The following DRAXIN variants were observed in gnomAD, a reference collection of about 807,000 sequenced individuals.
The protein encoded by DRAXIN is dorsal inhibitory axon guidance protein, also known as dorsal repulsive axon guidance protein.
A neutral mutation model predicts 33.9 loss-of-function variants in DRAXIN; 27 were observed. That is an observed-to-expected ratio of 0.80 (90% CI 0.59 to 1.10). The LOEUF is 1.10. Among genes scored for constraint, DRAXIN ranks in the 50% least tolerant of loss-of-function variants. DRAXIN has a pLI of 0.00. For synonymous variants in DRAXIN, 178 were observed against 194.0 expected, an observed-to-expected ratio of 0.92 and a Z score of 0.69; for missense variants, 371 against 460.8, an observed-to-expected ratio of 0.81 and a Z score of 1.78.
intron 6 of DRAXIN, 43 bp from the exon 7 acceptor site, chr1:11,719,541 G>A (rs373587400): frequency 3.7e-5 from 56 of 1,533,320 alleles, no homozygotes; most frequent in African/African-American, 1.8e-4. Flanking sequence ...GGGAGGGCAC[G>A]GGCCCTTCGC....
rs1170757233 is a variant in DRAXIN at position 11,719,763 on chromosome 1, G to C, written c.*67G>C. 2 of 1,365,908 alleles carry C rather than the reference G, an allele frequency of 1.5e-6. No individual in the cohort carries two copies. Among genetic ancestry groups the C allele is most frequent in the Admixed American group, 3.7e-5 (2 of 53,650 alleles). The allele number at this position is 1,365,908 out of a possible 1,614,324, so 84.6% of individuals were successfully genotyped here. A position where few individuals can be genotyped will look rare whatever the true frequency, so the allele number is the denominator to read the frequency against. On this transcript the variant is annotated 3_prime_UTR_variant, in exon 7 of 7. Coordinates refer to ENST00000294485, the MANE Select transcript of DRAXIN (RefSeq NM_198545.4). ...AAGCCGGGCGATTTGTTTGTAACTA[G>C]CAGTGGGAGATCAAGTTGGGGAACA...
chr1:11,711,703 T>C, intron 3 of DRAXIN, 148 bp from the exon 4 acceptor site: 1 of 671,764 alleles, frequency 1.5e-6, no homozygotes, highest in Non-Finnish European at 2.5e-6. Flanking sequence ...CAGCCATCTT[T>C]ATGTCCTTGG....
chr1:11,708,167 G>A (rs898562095), intron 2 of DRAXIN, among the ~76,000 whole-genome samples: 10 of 152,244 alleles, frequency 6.6e-5, no homozygotes, highest in African/African-American at 1.9e-4. Flanking sequence ...TAGAGGGCAC[G>A]CGTGGGGTGT....
rs72872012 is a variant in DRAXIN at position 11,704,594 on chromosome 1, G to A, written c.-10-1655G>A. ...GACAGAGCCTTCCGTTGCTGGTGACGTGACCAGGACAGTAGCAGGGACTGT... is the reference window on the plus strand; with the variant it reads ...GACAGAGCCTTCCGTTGCTGGTGACATGACCAGGACAGTAGCAGGGACTGT... On this transcript the variant is annotated intron_variant, in intron 1 of 6. Coordinates refer to ENST00000294485, the MANE Select transcript of DRAXIN (RefSeq NM_198545.4). This position sits in a 1 kb window ranked among gnomAD's most constrained non-coding sequence, Gnocchi z 4.6. Among the ~76,000 whole-genome samples, 8,842 of 152,284 alleles carry A rather than the reference G, an allele frequency of 0.058. 303 individuals carry two copies. Among genetic ancestry groups the A allele is most frequent in the South Asian group, 0.094 (453 of 4,828 alleles).
chr1:11,690,437 C>T (rs1641039430), upstream of DRAXIN, among the ~76,000 whole-genome samples: 1 of 152,196 alleles, frequency 6.6e-6, no homozygotes, highest in African/African-American at 2.4e-5. This position sits in a 1 kb window ranked among gnomAD's most constrained non-coding sequence, Gnocchi z 4.2. Flanking sequence ...TATCTCCTTA[C>T]ACAGGGCACT....
intron 1 of DRAXIN, among the ~76,000 whole-genome samples, chr1:11,700,465 C>G (rs887322390): frequency 6.6e-6 from 1 of 152,198 alleles, no homozygotes; most frequent in Non-Finnish European, 1.5e-5. Flanking sequence ...TTCAGTGAAC[C>G]AGAAGCCCAA....
intron 5 of DRAXIN, 40 bp from the exon 6 acceptor site, chr1:11,715,079 G>T (rs1641555016): frequency 1.9e-6 from 3 of 1,608,378 alleles, no homozygotes; most frequent in African/African-American, 2.7e-5. Flanking sequence ...GGGAGGGGCG[G>T]CTCAGCTTGG....
chr1:11,703,868 G>A (rs1188784714), intron 1 of DRAXIN, among the ~76,000 whole-genome samples: 5 of 152,156 alleles, frequency 3.3e-5, no homozygotes, highest in African/African-American at 7.2e-5. Flanking sequence ...TCGTGGCAAC[G>A]GAGCTTGGGA....
chr1:11,715,532 A>T (rs1022581482), intron 6 of DRAXIN, among the ~76,000 whole-genome samples: 1 of 152,066 alleles, frequency 6.6e-6, no homozygotes, highest in African/African-American at 2.4e-5. Context: ...AGGAGACAGG[A>T]GCACATCTCT....
chr1:11,706,479 A>G lies in DRAXIN; in HGVS notation c.221A>G (p.Gln74Arg). The G allele has an allele frequency of 6.2e-7, 1 of 1,611,052 alleles. No homozygotes were observed. Among genetic ancestry groups the G allele is most frequent in the Non-Finnish European group, 8.5e-7 (1 of 1,178,952 alleles). ...KKEWGPGLPS[Q>R]AQDGAVVTAT... ...GAGTGGGGCCCAGGCCTGCCCAGCC[A>G]GGCCCAGGATGGGGCTGTGGTCACC... Residue 74 changes from glutamine to arginine, a missense_variant, in exon 2 of 7, where the codon CAG (glutamine) becomes CGG (arginine). Physicochemically the swap from Gln to Arg is conservative, Grantham distance 43. Coordinates refer to ENST00000294485, the MANE Select transcript of DRAXIN (RefSeq NM_198545.4). This position sits in a 1 kb window ranked among gnomAD's most constrained non-coding sequence, Gnocchi z 5.5.
In DRAXIN at chr1:11,719,670, G is replaced by C. The variant is rs759042890; in HGVS notation, c.1024G>C (p.Asp342His). 3 of 1,613,918 alleles carry C rather than the reference G, an allele frequency of 1.9e-6. No homozygotes were observed. ...RCVEPETANG[D>H]QGSFINV Reference sequence around the variant, plus strand: ...TGTGGAGCCCGAGACGGCCAACGGCGACCAGGGATCCTTCATCAACGTCTA... The same window carrying C: ...TGTGGAGCCCGAGACGGCCAACGGCCACCAGGGATCCTTCATCAACGTCTA... Residue 342 changes from aspartate to histidine, a missense_variant, in exon 7 of 7, where the codon GAC (aspartate) becomes CAC (histidine). By Grantham distance (81) the Asp-to-His change is moderately conservative (BLOSUM62 -1). Transcript: ENST00000294485.
At chr1:11,701,239 C>T (rs987287228) in intron 1 of DRAXIN, among the ~76,000 whole-genome samples, 5 of 152,188 alleles carry the variant, frequency 3.3e-5, no homozygotes, top group Admixed American at 1.3e-4. Flanking sequence ...GGTGGCCCCA[C>T]GGGCAATGGG....
At chr1:11,710,592 C>T (rs1244473666) in intron 3 of DRAXIN, among the ~76,000 whole-genome samples, 4 of 151,984 alleles carry the variant, frequency 2.6e-5, no homozygotes, top group Admixed American at 6.6e-5. Context: ...GAGCTGACCG[C>T]ATCGTTCTTG....
Position 11,720,287 on chromosome 1 carries a change from A to C in DRAXIN, c.*591A>C, listed in dbSNP as rs1356063092. On this transcript the variant is annotated 3_prime_UTR_variant, in exon 7 of 7. Coordinates refer to ENST00000294485, the MANE Select transcript of DRAXIN (RefSeq NM_198545.4). ...CCTGAACATGCTAAGAGTCACCTGG[A>C]GGTCCAGTTAAAAATGTACATCTGG... is the stretch of plus-strand genomic sequence containing the variant. 6.6e-6 allele frequency: 1 copy of C among 152,608 alleles called. No homozygotes were observed. The allele number at this position is 152,608 out of a possible 1,614,324, so 9.5% of individuals were successfully genotyped here.
chr1:11,719,834 A>C lies in DRAXIN; in HGVS notation c.*138A>C. ...CAGGCCCAGGACACTCAACCCCAGG[A>C]GGGGAGCCGCTCGGCGAATGAGCTG... On this transcript the variant is annotated 3_prime_UTR_variant, in exon 7 of 7. Coordinates refer to ENST00000294485, the MANE Select transcript of DRAXIN (RefSeq NM_198545.4). 2 of 800,106 alleles carry C rather than the reference A, an allele frequency of 2.5e-6. No individual in the cohort carries two copies. Among genetic ancestry groups the C allele is most frequent in the Non-Finnish European group, 4.1e-6 (2 of 493,746 alleles). The allele number at this position is 800,106 out of a possible 1,614,324, so 49.6% of individuals were successfully genotyped here.
upstream of DRAXIN, among the ~76,000 whole-genome samples, chr1:11,690,492 C>G (rs1641040590): frequency 6.6e-6 from 1 of 152,176 alleles, no homozygotes; most frequent in Non-Finnish European, 1.5e-5. This position sits in a 1 kb window ranked among gnomAD's most constrained non-coding sequence, Gnocchi z 4.2. Context: ...ATCATGAGCT[C>G]AGAGGTCAGG....
Position 11,711,928 on chromosome 1 carries a change from C to A in DRAXIN, c.720C>A (p.Asp240Glu). The A allele has an allele frequency of 6.2e-7, 1 of 1,613,856 alleles. No individual in the cohort carries two copies. Among genetic ancestry groups the A allele is most frequent in the Non-Finnish European group, 8.5e-7 (1 of 1,179,902 alleles). The stretch of plus-strand genomic sequence containing the variant: ...TGTTCGACTGGACCGATTATGAAGA[C>A]TTAAAACCTGATGGTTGGCCCTCTG... ...MALFDWTDYE[D>E]LKPDGWPSAK... Residue 240 changes from aspartate (D) to glutamate (E), a missense_variant, in exon 4 of 7, where the codon GAC becomes GAA. Asp to Glu is a conservative substitution (Grantham distance 45). Coordinates refer to ENST00000294485, the MANE Select transcript of DRAXIN (RefSeq NM_198545.4).
chr1:11,692,427 G>C lies in DRAXIN; in HGVS notation c.-11+574G>C, dbSNP rs1036392626. ...GAGTGCGCCCGGAACCAGCACCGCCGGTGGCCCCGCGCCGTCCCATCTGTG... is the reference window on the plus strand; with the variant it reads ...GAGTGCGCCCGGAACCAGCACCGCCCGTGGCCCCGCGCCGTCCCATCTGTG... On this transcript the variant is annotated intron_variant, in intron 1 of 6. Transcript: ENST00000294485. This position sits in a 1 kb window ranked among gnomAD's most constrained non-coding sequence, Gnocchi z 5.8. 6.6e-6 allele frequency among the ~76,000 whole-genome samples: 1 copy of C among 152,156 alleles called. No individual in the cohort carries two copies. Among genetic ancestry groups the C allele is most frequent in the Non-Finnish European group, 1.5e-5 (1 of 68,034 alleles).
At chr1:11,707,042 A>T (rs1641395511) in intron 2 of DRAXIN, among the ~76,000 whole-genome samples, 3 of 152,128 alleles carry the variant, frequency 2.0e-5, no homozygotes, top group African/African-American at 7.2e-5. Context: ...TCTACTAAAA[A>T]TACAAAAAAT....
Sources: allele counts gnomAD v4.1 joint callset (sites outside exome capture counted in the v4.1 genomes callset), GRCh38; gene constraint gnomAD v4.1.1; non-coding constraint Gnocchi (gnomAD v3.1); transcripts MANE v1.5; gene names NCBI Gene and HGNC (gene_info 2026-07-23, HGNC 2026-07-21).